Variants in WDR27 observed in about 807,000 individuals in gnomAD.
WDR27 encodes WD repeat-containing protein 27.
Under a neutral mutation model 114.4 loss-of-function variants are expected in WDR27, and 100 were observed. The observed-to-expected ratio is 0.87, with a 90% CI of 0.74 to 1.03. WDR27 has a LOEUF of 1.03. WDR27 is among the 50% of genes least tolerant of loss of function. The pLI is 0.00. For missense variants in WDR27, 1,129 were observed against 1,092.9 expected (o/e 1.03, Z -0.47); for synonymous variants, 449 against 423.1 (o/e 1.06, Z -0.75).
At chr6:169,500,976 A>G (rs1460724933) in intron 25 of WDR27, among the ~76,000 whole-genome samples, 1 of 152,206 alleles carries the variant, frequency 6.6e-6, no homozygotes, top group Non-Finnish European at 1.5e-5. Flanking sequence ...CCCCCGTCAC[A>G]GGTCAGAGGC....
the WDR27 span, among the ~76,000 whole-genome samples, chr6:169,450,733 C>A: frequency 5.8e-4 from 89 of 152,240 alleles, 2 homozygotes; most frequent in East Asian, 0.016. Flanking sequence ...AGAGCAGGCA[C>A]CCTTTTCCAT....
chr6:169,670,454 G>T, intron 4 of WDR27, 115 bp downstream of exon 4: 1 of 1,208,964 alleles, frequency 8.3e-7, no homozygotes, highest in Non-Finnish European at 1.1e-6. Flanking sequence ...TGAAGATATA[G>T]CTTAAAAAAA....
At chr6:169,488,243 C>T (rs1303571857) in intron 25 of WDR27, among the ~76,000 whole-genome samples, 1 of 152,248 alleles carries the variant, frequency 6.6e-6, no homozygotes, top group Non-Finnish European at 1.5e-5. Flanking sequence ...AGAGCAGCGT[C>T]TCTAGCGTGG....
intron 22 of WDR27, among the ~76,000 whole-genome samples, chr6:169,604,160 CAA>C (rs1404944498): frequency 6.6e-6 from 1 of 151,836 alleles, no homozygotes; most frequent in Non-Finnish European, 1.5e-5. Flanking sequence ...AAAAGATCAA[CAA>C]AATGAAAAGT....
intron 1 of WDR27, among the ~76,000 whole-genome samples, chr6:169,695,892 C>T (rs115491850): frequency 0.016 from 2,474 of 152,194 alleles, 40 homozygotes; most frequent in African/African-American, 0.041. Context: ...CTGTGGTTAC[C>T]GGCTCTCAAG....
the WDR27 span, among the ~76,000 whole-genome samples, chr6:169,448,924 C>G: frequency 6.6e-6 from 1 of 152,210 alleles, no homozygotes; most frequent in Non-Finnish European, 1.5e-5. Flanking sequence ...TGCATGCAGC[C>G]TCTAACTCCC....
chr6:169,497,204 A>T (rs2115461363), intron 25 of WDR27, among the ~76,000 whole-genome samples: 1 of 152,264 alleles, frequency 6.6e-6, no homozygotes, highest in Admixed American at 6.5e-5. Flanking sequence ...GTGCTGGCAA[A>T]GCTGTGTATT....
intron 25 of WDR27, among the ~76,000 whole-genome samples, chr6:169,472,280 T>C (rs563337069): frequency 6.6e-6 from 1 of 152,294 alleles, no homozygotes; most frequent in African/African-American, 2.4e-5. Flanking sequence ...ACATAAAATG[T>C]CCTGCATTAG....
chr6:169,634,245 C>T lies in WDR27; in HGVS notation c.2101+183G>A, dbSNP rs1289761772. On this transcript the variant is annotated intron_variant, in intron 20 of 25. Coordinates refer to ENST00000448612, the MANE Select transcript of WDR27 (RefSeq NM_182552.5). Reference sequence around the variant, plus strand: ...TTCTTCTTCCTCTGAGGCCCTTTCTCAATGTTGAGATGAATTATTACACGT... The same window carrying T: ...TTCTTCTTCCTCTGAGGCCCTTTCTTAATGTTGAGATGAATTATTACACGT... 5.3e-5 allele frequency among the ~76,000 whole-genome samples: 8 copies of T among 152,132 alleles called. No homozygotes were observed. In the East Asian group the frequency reaches 1.5e-3, roughly 29 times the overall value.
intron 25 of WDR27, among the ~76,000 whole-genome samples, chr6:169,468,418 C>A (rs1785890801): frequency 1.3e-5 from 2 of 152,184 alleles, no homozygotes; most frequent in African/African-American, 4.8e-5. Context: ...GGAAAGCAAA[C>A]ATGTCCTTCT....
chr6:169,641,340 C>T (rs562987996), intron 17 of WDR27, among the ~76,000 whole-genome samples: 1 of 152,312 alleles, frequency 6.6e-6, no homozygotes, highest in African/African-American at 2.4e-5. Flanking sequence ...CCAATCCCCA[C>T]GAAGCAAGGT....
rs367959962 is a variant in WDR27 at position 169,672,255 on chromosome 6, C to T, written c.331G>A (p.Gly111Arg). 5.1e-5 allele frequency: 82 copies of T among 1,611,494 alleles called. No homozygotes were observed. The African/African-American group carries it at 1.0e-3, about 20-fold the overall frequency. ...AAACATGTTTTAGATTTTCATTTAC[C>T]TTGAAGTACTTTCTCTCTACATTCA... is the stretch of plus-strand genomic sequence containing the variant. ...LDECREKVLQ[G>R]LVPRGTVMGS... The change falls in exon 3 of 26, where the codon GGG becomes AGG. Residue 111 changes from glycine to arginine, a missense_variant and splice_region_variant. Physicochemically the swap from Gly to Arg is moderately radical, Grantham distance 125. Transcript: ENST00000448612.
chr6:169,665,938 G>A (rs1223693712), intron 6 of WDR27, among the ~76,000 whole-genome samples: 1 of 152,166 alleles, frequency 6.6e-6, no homozygotes, highest in East Asian at 1.9e-4. Flanking sequence ...CGTTGCACTT[G>A]GAGCAGAAGG....
intron 12 of WDR27, among the ~76,000 whole-genome samples, chr6:169,658,630 G>A (rs1337955980): frequency 6.6e-6 from 1 of 151,530 alleles, no homozygotes; most frequent in Non-Finnish European, 1.5e-5. Flanking sequence ...CAACAAGATA[G>A]AAGCAACAGC....
intron 13 of WDR27, among the ~76,000 whole-genome samples, chr6:169,654,014 A>C (rs192941225): frequency 6.6e-6 from 1 of 152,380 alleles, no homozygotes; most frequent in Admixed American, 6.5e-5. Context: ...AAGCAACGCA[A>C]ATCTCCTTTG....
At chr6:169,693,285 G>A (rs996276580) in intron 1 of WDR27, among the ~76,000 whole-genome samples, 1 of 152,170 alleles carries the variant, frequency 6.6e-6, no homozygotes, top group African/African-American at 2.4e-5. Context: ...TTAGACAAAT[G>A]CTGAGAGAAT....
chr6:169,673,314 GA>G (rs1779235978), intron 2 of WDR27, among the ~76,000 whole-genome samples: 1 of 152,062 alleles, frequency 6.6e-6, no homozygotes, highest in South Asian at 2.1e-4. Context: ...GATATCACTG[GA>G]GAATTCCACT....
intron 25 of WDR27, among the ~76,000 whole-genome samples, chr6:169,553,208 A>T (rs1365682251): frequency 6.6e-6 from 1 of 151,990 alleles, no homozygotes; most frequent in East Asian, 1.9e-4. Context: ...TTCAGGCAGC[A>T]CCAGAGTCCT....
In WDR27 at chr6:169,505,621, T is replaced by G. The variant is rs1373171170; in HGVS notation, c.2646-47987A>C. The stretch of plus-strand genomic sequence containing the variant: ...GACCAGAAACAATTGCCATCACATG[T>G]GAGTCTCCAGCTCACCCCAGACCTA... On this transcript the variant is annotated intron_variant, in intron 25 of 25. Transcript: ENST00000448612. Among the ~76,000 whole-genome samples, 7 of 152,322 alleles carry G rather than the reference T, an allele frequency of 4.6e-5. No homozygotes were observed. The East Asian group carries it at 1.4e-3, about 29-fold the overall frequency.
Sources: gnomAD v4.1 joint callset for allele counts (sites outside exome capture counted in the v4.1 genomes callset) on GRCh38, gnomAD v4.1.1 for gene constraint, MANE v1.5 for transcripts, NCBI Gene and HGNC (gene_info 2026-07-23, HGNC 2026-07-21) for gene names.